The following PROS1 variants were observed in gnomAD, a reference collection of about 807,000 sequenced individuals.
The protein encoded by PROS1 is vitamin K-dependent protein S.
In PROS1, 29 loss-of-function variants were observed where a neutral mutation model predicts 75.9. The observed-to-expected ratio is 0.38, with a 90% CI of 0.28 to 0.52. The LOEUF is 0.52. Ranked by LOEUF, PROS1 falls within the 20% of genes least tolerant of loss-of-function variation. The pLI, the probability that PROS1 is intolerant of heterozygous loss-of-function variation, is 0.83. For missense variants in PROS1, 680 were observed against 810.3 expected (o/e 0.84, Z 1.95); for synonymous variants, 245 against 280.6 (o/e 0.87, Z 1.27).
chr3:93,964,031 T>C (rs1263490819), intron 1 of PROS1, among the ~76,000 whole-genome samples: 1 of 152,212 alleles, frequency 6.6e-6, no homozygotes. Context: ...TTAATACTTT[T>C]ATAATTTCTT....
intron 1 of PROS1, among the ~76,000 whole-genome samples, chr3:93,940,287 C>T (rs1228679496): frequency 1.3e-5 from 2 of 152,168 alleles, no homozygotes; most frequent in Non-Finnish European, 2.9e-5. Context: ...CTGACACTGC[C>T]CGATTGCCTC....
chr3:93,938,114 C>G (rs1449858804), intron 1 of PROS1, among the ~76,000 whole-genome samples: 3 of 152,172 alleles, frequency 2.0e-5, no homozygotes, highest in Non-Finnish European at 2.9e-5. Flanking sequence ...ACATATAGAT[C>G]CAGATGGCCT....
intron 9 of PROS1, among the ~76,000 whole-genome samples, chr3:93,895,989 A>C (rs1708496497): frequency 6.6e-6 from 1 of 152,120 alleles, no homozygotes; most frequent in Admixed American, 6.6e-5. Context: ...TAATAAAATA[A>C]AAATTGGATC....
chr3:93,955,547 T>C (rs1469722379), intron 1 of PROS1, among the ~76,000 whole-genome samples: 4 of 149,514 alleles, frequency 2.7e-5, no homozygotes, highest in Non-Finnish European at 5.9e-5. Context: ...GGACACGGGA[T>C]GGAGAACATA....
chr3:93,969,095 T>A (rs1709832379), intron 1 of PROS1, among the ~76,000 whole-genome samples: 1 of 151,560 alleles, frequency 6.6e-6, no homozygotes, highest in South Asian at 2.1e-4. Context: ...TTCCCTTGCC[T>A]GTTTTTTTTG....
intron 1 of PROS1, among the ~76,000 whole-genome samples, chr3:93,936,119 A>G (rs1038428385): frequency 1.7e-4 from 25 of 149,742 alleles, no homozygotes; most frequent in African/African-American, 6.2e-4. Flanking sequence ...CTCCAAATTC[A>G]TATGTTGAAG....
At chr3:93,895,083 A>C (rs1708481217) in intron 9 of PROS1, among the ~76,000 whole-genome samples, 2 of 152,098 alleles carry the variant, frequency 1.3e-5, no homozygotes, top group African/African-American at 4.8e-5. Flanking sequence ...ACATCCTCTC[A>C]CGTACTTTAA....
intron 1 of PROS1, among the ~76,000 whole-genome samples, chr3:93,949,699 TGAAA>T (rs1249351141): frequency 6.6e-6 from 1 of 152,160 alleles, no homozygotes; most frequent in Non-Finnish European, 1.5e-5. Flanking sequence ...TTTAAGAAGT[TGAAA>T]GAAACGAGAA....
chr3:93,952,335 A>T (rs1053610670), intron 1 of PROS1, among the ~76,000 whole-genome samples: 2 of 152,076 alleles, frequency 1.3e-5, no homozygotes, highest in African/African-American at 4.8e-5. Context: ...GAAGAAAAGC[A>T]CTCCTCAGCA....
chr3:93,969,122 C>CTTTTT (rs773990991), intron 1 of PROS1, among the ~76,000 whole-genome samples: 10 of 114,348 alleles, frequency 8.7e-5, no homozygotes, highest in Middle Eastern at 4.7e-3. Context: ...CTTTTGTTTT[C>CTTTTT]TTTTTTTTTT....
chr3:93,964,942 T>C (rs1709764650), intron 1 of PROS1, among the ~76,000 whole-genome samples: 1 of 152,202 alleles, frequency 6.6e-6, no homozygotes, highest in Non-Finnish European at 1.5e-5. Context: ...TAAGAATCCC[T>C]AAGCCTAGCT....
intron 1 of PROS1, among the ~76,000 whole-genome samples, chr3:93,934,888 C>G (rs1259976939): frequency 6.6e-6 from 1 of 151,964 alleles, no homozygotes; most frequent in Non-Finnish European, 1.5e-5. Context: ...CGGACCTCTC[C>G]TTACACCAAG....
intron 13 of PROS1, 25 bp from the exon 14 acceptor site, chr3:93,877,216 T>C (rs754562270): frequency 6.5e-7 from 1 of 1,538,288 alleles, no homozygotes; most frequent in South Asian, 1.1e-5. Context: ...AAAGATTCAA[T>C]ATAAGCAAGG....
intron 1 of PROS1, among the ~76,000 whole-genome samples, chr3:93,934,681 G>T (rs920887549): frequency 2.0e-5 from 3 of 152,086 alleles, no homozygotes; most frequent in African/African-American, 7.2e-5. Context: ...AGTAATCTGT[G>T]AATGAAATGT....
chr3:93,935,122 G>GT (rs1369472284), intron 1 of PROS1, among the ~76,000 whole-genome samples: 1 of 152,094 alleles, frequency 6.6e-6, no homozygotes, highest in Non-Finnish European at 1.5e-5. Context: ...TGAATTGTTT[G>GT]TTCTTGGTCA....
intron 8 of PROS1, among the ~76,000 whole-genome samples, chr3:93,897,563 C>T (rs1157780363): frequency 1.3e-5 from 2 of 151,914 alleles, no homozygotes; most frequent in Admixed American, 6.6e-5. Flanking sequence ...TAAGTAGTAA[C>T]GTACCAAAAT....
intron 4 of PROS1, 141 bp downstream of exon 4, chr3:93,910,478 T>C: frequency 1.3e-6 from 1 of 745,888 alleles, no homozygotes. Context: ...AGAAATGCAG[T>C]TTGAAAATAC....
At chr3:93,898,117 T>C (rs1362375551) in intron 8 of PROS1, among the ~76,000 whole-genome samples, 1 of 151,892 alleles carries the variant, frequency 6.6e-6, no homozygotes, top group African/African-American at 2.4e-5. Context: ...CTATGAGAGA[T>C]TTTTTTTCAC....
intron 1 of PROS1, among the ~76,000 whole-genome samples, chr3:93,960,679 C>A (rs993177015): frequency 6.6e-6 from 1 of 150,788 alleles, no homozygotes; most frequent in Non-Finnish European, 1.5e-5. Flanking sequence ...GCCAAGCCAT[C>A]AAGATTTAGA....
Sources: allele counts gnomAD v4.1 joint callset (sites outside exome capture counted in the v4.1 genomes callset), GRCh38; gene constraint gnomAD v4.1.1; transcripts MANE v1.5; gene names NCBI Gene and HGNC (gene_info 2026-07-23, HGNC 2026-07-21).